The following CALN1 variants were observed in gnomAD, a reference collection of about 807,000 sequenced individuals.
CALN1 encodes the protein calcium-binding protein 8.
A neutral mutation model predicts 30.6 loss-of-function variants in CALN1; 17 were observed. That is an observed-to-expected ratio of 0.56 (90% CI 0.38 to 0.83). The LOEUF is 0.83. Ranked by LOEUF, CALN1 falls within the 40% of genes least tolerant of loss-of-function variation. CALN1 has a pLI of 0.00. For synonymous variants in CALN1, 156 were observed against 131.4 expected, an observed-to-expected ratio of 1.19 and a Z score of -1.28; for missense variants, 291 against 354.9, an observed-to-expected ratio of 0.82 and a Z score of 1.45.
chr7:72,182,686 C>T (rs76074409), intron 3 of CALN1, among the ~76,000 whole-genome samples: 1 of 151,248 alleles, frequency 6.6e-6, no homozygotes, highest in Admixed American at 6.6e-5. Flanking sequence ...TGCCACTGCA[C>T]TCCAGCCTGA....
At chr7:71,949,125 G>A (rs1181761434) in intron 5 of CALN1, among the ~76,000 whole-genome samples, 1 of 149,102 alleles carries the variant, frequency 6.7e-6, no homozygotes, top group Non-Finnish European at 1.5e-5. Context: ...GGTCTGGACT[G>A]AAAGAATGGC....
chr7:71,975,564 C>CT (rs1411093298), intron 5 of CALN1, among the ~76,000 whole-genome samples: 2 of 152,026 alleles, frequency 1.3e-5, no homozygotes, highest in African/African-American at 4.8e-5. Context: ...GTAGCTGGGA[C>CT]TACAGACATG....
chr7:72,086,418 T>A (rs2129539345), intron 4 of CALN1, among the ~76,000 whole-genome samples: 1 of 152,180 alleles, frequency 6.6e-6, no homozygotes, highest in South Asian at 2.1e-4. Flanking sequence ...GATCAATTAT[T>A]GTAGTTGTTA....
chr7:72,096,456 CA>C (rs991656979), intron 4 of CALN1, among the ~76,000 whole-genome samples: 2 of 151,862 alleles, frequency 1.3e-5, no homozygotes, highest in Non-Finnish European at 2.9e-5. Flanking sequence ...CCCCCGCCCC[CA>C]CCCAATTGTG....
the CALN1 span, among the ~76,000 whole-genome samples, chr7:72,475,739 G>A: frequency 0.017 from 2,646 of 152,206 alleles, 62 homozygotes; most frequent in African/African-American, 0.059. Flanking sequence ...GGATGTTGTA[G>A]AAGAGCCTTG....
At chr7:72,240,460 G>T (rs1307441052) in intron 3 of CALN1, among the ~76,000 whole-genome samples, 1 of 152,176 alleles carries the variant, frequency 6.6e-6, no homozygotes. Flanking sequence ...CTCCCAAAGC[G>T]CTGGTGTTAC....
At chr7:71,848,620 C>T (rs1234803146) in intron 5 of CALN1, among the ~76,000 whole-genome samples, 1 of 152,064 alleles carries the variant, frequency 6.6e-6, no homozygotes, top group Admixed American at 6.6e-5. Context: ...ATGAAACACA[C>T]ACACACATAC....
At chr7:72,397,326 C>G (rs576687140) in intron 2 of CALN1, among the ~76,000 whole-genome samples, 18 of 152,234 alleles carry the variant, frequency 1.2e-4, no homozygotes, top group African/African-American at 4.1e-4. Context: ...CCCAGAGGGT[C>G]CACATTCTAG....
chr7:72,375,242 C>T (rs776853531), intron 2 of CALN1, among the ~76,000 whole-genome samples: 16 of 152,112 alleles, frequency 1.1e-4, no homozygotes, highest in Non-Finnish European at 2.1e-4. Context: ...TCAGTGAGCT[C>T]TATTCTCATC....
intron 5 of CALN1, among the ~76,000 whole-genome samples, chr7:71,896,699 C>T (rs778251688): frequency 3.3e-5 from 5 of 152,076 alleles, no homozygotes; most frequent in African/African-American, 1.2e-4. Flanking sequence ...CACATAGGCC[C>T]TGAGAGCCTC....
intron 5 of CALN1, among the ~76,000 whole-genome samples, chr7:72,003,618 G>T (rs1799632883): frequency 6.6e-6 from 1 of 152,186 alleles, no homozygotes; most frequent in Admixed American, 6.5e-5. Flanking sequence ...GAGGGATCTA[G>T]GTTGTATGCT....
At chr7:72,063,096 G>A (rs1402399263) in intron 4 of CALN1, among the ~76,000 whole-genome samples, 1 of 151,866 alleles carries the variant, frequency 6.6e-6, no homozygotes, top group East Asian at 1.9e-4. Flanking sequence ...AAGACATAAG[G>A]TTTTCTTTGG....
intron 5 of CALN1, among the ~76,000 whole-genome samples, chr7:71,964,768 G>T (rs1392362977): frequency 6.6e-6 from 1 of 152,130 alleles, no homozygotes; most frequent in Admixed American, 6.5e-5. Context: ...ATGCATGCCT[G>T]TTTCCCTCTG....
At chr7:72,250,737 G>A (rs1795497755) in intron 3 of CALN1, among the ~76,000 whole-genome samples, 1 of 152,052 alleles carries the variant, frequency 6.6e-6, no homozygotes, top group South Asian at 2.1e-4. Context: ...GCGACGTGAT[G>A]CCCACTCCCC....
intron 4 of CALN1, among the ~76,000 whole-genome samples, chr7:72,055,108 AT>A (rs1258046934): frequency 2.0e-5 from 3 of 152,206 alleles, no homozygotes; most frequent in Non-Finnish European, 2.9e-5. Context: ...ATCATAGTAC[AT>A]GAGTTAACTC....
At position 72,378,908 on chromosome 7, in the gene CALN1, A is replaced by G. The variant is rs1804729359; in HGVS notation, c.119+24343T>C. ...TGAAAGTTTTTCTTTTTAAGCCAGG[A>G]ATGAATGTTGGATTTTGTTAAATGC... On this transcript the variant is annotated intron_variant, in intron 2 of 6. Transcript: ENST00000395275. Among the ~76,000 whole-genome samples, 3 of 152,200 alleles carry G rather than the reference A, an allele frequency of 2.0e-5. No homozygotes were observed. In the South Asian group the frequency reaches 6.2e-4, roughly 32 times the overall value.
At chr7:72,403,929 G>C (rs1040700918) in intron 1 of CALN1, among the ~76,000 whole-genome samples, 2 of 152,104 alleles carry the variant, frequency 1.3e-5, no homozygotes, top group African/African-American at 4.8e-5. Context: ...TCATGCTGTC[G>C]CAATCCCAGG....
At chr7:72,028,181 G>A (rs1298467729) in intron 4 of CALN1, among the ~76,000 whole-genome samples, 6 of 151,472 alleles carry the variant, frequency 4.0e-5, no homozygotes, top group African/African-American at 1.5e-4. Flanking sequence ...CATAGTTTAC[G>A]AGATGTGGCA....
intron 2 of CALN1, among the ~76,000 whole-genome samples, chr7:72,390,389 C>T (rs1805506265): frequency 6.6e-6 from 1 of 152,082 alleles, no homozygotes; most frequent in Admixed American, 6.6e-5. Flanking sequence ...CGAGATCACG[C>T]CACTGCACTC....
Sources: gnomAD v4.1 joint callset for allele counts (sites outside exome capture counted in the v4.1 genomes callset) on GRCh38, gnomAD v4.1.1 for gene constraint, MANE v1.5 for transcripts, NCBI Gene and HGNC (gene_info 2026-07-23, HGNC 2026-07-21) for gene names.